The following FNIP2 variants were observed in gnomAD, a reference collection of about 807,000 sequenced individuals.
FNIP2 encodes the protein folliculin-interacting protein 2.
FNIP2 carries 32 observed loss-of-function variants against 108.7 expected under a neutral mutation model. That is an observed-to-expected ratio of 0.29 (90% CI 0.22 to 0.40). The LOEUF (loss-of-function observed/expected upper bound fraction) is 0.40. Among genes scored for constraint, FNIP2 ranks in the 10% least tolerant of loss-of-function variants. The pLI, the probability that FNIP2 is intolerant of heterozygous loss-of-function variation, is 1.00. For missense variants in FNIP2, 1,202 were observed against 1,381.6 expected, an observed-to-expected ratio of 0.87 and a Z score of 2.06; for synonymous variants, 480 against 496.7, an observed-to-expected ratio of 0.97 and a Z score of 0.45.
At chr4:158,817,334 T>C (rs1777632056) in intron 1 of FNIP2, among the ~76,000 whole-genome samples, 1 of 152,192 alleles carries the variant, frequency 6.6e-6, no homozygotes, top group Non-Finnish European at 1.5e-5. Flanking sequence ...AAGATGCTTA[T>C]CAAAGACAGA....
At chr4:158,897,276 A>G (rs768037349) in intron 16 of FNIP2, among the ~76,000 whole-genome samples, 2 of 152,150 alleles carry the variant, frequency 1.3e-5, no homozygotes, top group East Asian at 3.9e-4. Flanking sequence ...AGTCTTTGCT[A>G]TTGTGAATAC....
chr4:158,829,354 TCTTAAA>T, intron 3 of FNIP2, 129 bp downstream of exon 3: 1 of 736,216 alleles, frequency 1.4e-6, no homozygotes, highest in Non-Finnish European at 2.0e-6. Context: ...AACAGAGTAC[TCTTAAA>T]TGTTTCACAT....
chr4:158,813,310 G>A (rs1261930723), intron 1 of FNIP2, among the ~76,000 whole-genome samples: 1 of 152,194 alleles, frequency 6.6e-6, no homozygotes, highest in East Asian at 1.9e-4. Flanking sequence ...AGCAATGGGT[G>A]AGAGTTTCTG....
chr4:158,776,731 A>G (rs1775874154), intron 1 of FNIP2, among the ~76,000 whole-genome samples: 1 of 152,204 alleles, frequency 6.6e-6, no homozygotes, highest in African/African-American at 2.4e-5. Flanking sequence ...TAGCCTTGCC[A>G]TTGTGTCTCT....
chr4:158,858,172 C>T (rs1407309410), intron 8 of FNIP2, among the ~76,000 whole-genome samples: 1 of 152,064 alleles, frequency 6.6e-6, no homozygotes, highest in Non-Finnish European at 1.5e-5. Flanking sequence ...GGAAGCAGTT[C>T]CTTTCTATAT....
rs573480550 is a variant in FNIP2 at position 158,803,124 on chromosome 4, A to G, written c.108-22792A>G. Among the ~76,000 whole-genome samples the G allele has an allele frequency of 1.7e-3, 258 of 152,316 alleles. 2 individuals are homozygous for G. Among genetic ancestry groups the G allele is most frequent in the South Asian group, 5.6e-3 (27 of 4,830 alleles). ...TCCAGTCAACAACCTATTGAACCGC[A>G]TGTGGAATGTGGGAGTCTAGTCAGT... On this transcript the variant is annotated intron_variant, in intron 1 of 16. Coordinates refer to ENST00000264433, the MANE Select transcript of FNIP2 (RefSeq NM_020840.3).
At chr4:158,828,256 A>G (rs1778266122) in intron 2 of FNIP2, among the ~76,000 whole-genome samples, 1 of 152,208 alleles carries the variant, frequency 6.6e-6, no homozygotes, top group African/African-American at 2.4e-5. Context: ...TTCATCCCTT[A>G]CAAATTCAAC....
chr4:158,795,303 A>G (rs928738380), intron 1 of FNIP2, among the ~76,000 whole-genome samples: 6 of 152,358 alleles, frequency 3.9e-5, no homozygotes, highest in Non-Finnish European at 5.9e-5. Context: ...TTCATTTAAA[A>G]GCAGCTAGTT....
At chr4:158,822,381 AC>A (rs934672594) in intron 1 of FNIP2, among the ~76,000 whole-genome samples, 37 of 151,714 alleles carry the variant, frequency 2.4e-4, no homozygotes, top group Non-Finnish European at 2.9e-5. Context: ...ATGGAGTTTC[AC>A]CCTGTTGCCC....
At position 158,906,200 on chromosome 4, in the gene FNIP2, A is replaced by ATTGT. The variant is rs1400238712; in HGVS notation, c.*1660_*1663dup. 2.0e-5 allele frequency: 3 copies of ATTGT among 152,046 alleles called. No individual in the cohort carries two copies. The highest frequency in any genetic ancestry group is 7.2e-5 in the African/African-American group (3 of 41,398). The allele number at this position is 152,046 out of a possible 1,614,324, so 9.4% of individuals were successfully genotyped here. The stretch of plus-strand genomic sequence containing the variant: ...TTAAGTTCTGTAGTTCCATGACATC[A>ATTGT]TTGTTTGCTGTTGTGTTACAGAGAG... On this transcript the variant is annotated 3_prime_UTR_variant, in exon 17 of 17. Transcript: ENST00000264433.
chr4:158,891,539 G>A lies in FNIP2; in HGVS notation c.3043G>A (p.Val1015Met). 2 of 1,611,420 alleles carry A rather than the reference G, an allele frequency of 1.2e-6. No homozygotes were observed. The highest frequency in any genetic ancestry group is 2.2e-5 in the East Asian group (1 of 44,856). ...GCAGGTAGCTACAAGTCAGAGGAAAGTGACGGACAACATGAAACTAGGCCA... is the reference window on the plus strand; with the variant it reads ...GCAGGTAGCTACAAGTCAGAGGAAAATGACGGACAACATGAAACTAGGCCA... ...SVQVATSQRK[V>M]TDNMKLGQDV... is the part of the protein sequence containing the mutation. The change falls in exon 15 of 17, where the codon GTG becomes ATG. Residue 1015 changes from valine to methionine, a missense_variant. Physicochemically the swap from Val to Met is conservative, Grantham distance 21. Coordinates refer to ENST00000264433, the MANE Select transcript of FNIP2 (RefSeq NM_020840.3).
chr4:158,803,528 C>T (rs766604116), intron 1 of FNIP2, among the ~76,000 whole-genome samples: 7 of 152,140 alleles, frequency 4.6e-5, no homozygotes, highest in Non-Finnish European at 8.8e-5. Context: ...TATGCTTTTT[C>T]CACTTACTGA....
At chr4:158,829,711 G>GGT (rs142274727) in intron 3 of FNIP2, among the ~76,000 whole-genome samples, 9,719 of 148,290 alleles carry the variant, frequency 0.066, 689 homozygotes, top group African/African-American at 0.18. Flanking sequence ...GTGTGTGTGG[G>GGT]GTGTGTGTGT....
At chr4:158,867,578 A>G (rs1156530666) in intron 12 of FNIP2, among the ~76,000 whole-genome samples, 1 of 152,174 alleles carries the variant, frequency 6.6e-6, no homozygotes, top group Non-Finnish European at 1.5e-5. Flanking sequence ...AGCTGATTCT[A>G]CTTGGTGTGT....
intron 8 of FNIP2, among the ~76,000 whole-genome samples, chr4:158,858,650 A>G (rs542500225): frequency 1.3e-5 from 2 of 152,294 alleles, no homozygotes; most frequent in South Asian, 4.1e-4. Flanking sequence ...TACATGTTCA[A>G]ATGTTTACTC....
chr4:158,836,084 G>A (rs1290051653), intron 7 of FNIP2: 1 of 152,406 alleles, frequency 6.6e-6, no homozygotes, highest in East Asian at 1.9e-4. Context: ...GACTGGAGGT[G>A]GTGTGTGGTG....
intron 7 of FNIP2, among the ~76,000 whole-genome samples, chr4:158,847,485 C>A (rs1779468940): frequency 6.6e-6 from 1 of 152,204 alleles, no homozygotes; most frequent in Admixed American, 6.5e-5. Context: ...TTTTCAGACA[C>A]AGCCTGGGCA....
intron 1 of FNIP2, among the ~76,000 whole-genome samples, chr4:158,811,566 A>G (rs574773678): frequency 6.6e-6 from 1 of 152,116 alleles, no homozygotes; most frequent in Admixed American, 6.5e-5. Context: ...TAATAATAAT[A>G]ATGATGGTAG....
chr4:158,809,647 G>A (rs1777165455), intron 1 of FNIP2, among the ~76,000 whole-genome samples: 1 of 152,156 alleles, frequency 6.6e-6, no homozygotes, highest in Non-Finnish European at 1.5e-5. Flanking sequence ...AGAAATCTGG[G>A]ACTTGCCACA....
Sources: gnomAD v4.1 joint callset for allele counts (sites outside exome capture counted in the v4.1 genomes callset) on GRCh38, gnomAD v4.1.1 for gene constraint, MANE v1.5 for transcripts, NCBI Gene and HGNC (gene_info 2026-07-23, HGNC 2026-07-21) for gene names.